The following C8orf34 variants were observed in gnomAD, a reference collection of about 807,000 sequenced individuals.
C8orf34 encodes the protein chromosome 8 open reading frame 34, also known as uncharacterized protein C8orf34.
C8orf34 carries 65 observed loss-of-function variants against 68.3 expected under a neutral mutation model. That is an observed-to-expected ratio of 0.95 (90% CI 0.78 to 1.17). The LOEUF is 1.17. C8orf34 is among the 50% of genes most tolerant of loss of function. C8orf34 has a pLI of 0.00. For missense variants in C8orf34, 664 were observed against 655.4 expected (o/e 1.01, Z -0.14); for synonymous variants, 244 against 241.2 (o/e 1.01, Z -0.11).
At chr8:68,725,739 A>G (rs115181921) in intron 10 of C8orf34, among the ~76,000 whole-genome samples, 1 of 152,140 alleles carries the variant, frequency 6.6e-6, no homozygotes, top group Non-Finnish European at 1.5e-5. Context: ...ACAAAAACTC[A>G]TGGTTCCCAG....
At chr8:68,356,574 A>G (rs1005708683) in intron 1 of C8orf34, among the ~76,000 whole-genome samples, 30 of 152,144 alleles carry the variant, frequency 2.0e-4, no homozygotes, top group African/African-American at 6.5e-4. Flanking sequence ...TATGATTTAG[A>G]TTTGGAGATT....
At chr8:68,418,126 A>AT in intron 1 of C8orf34, among the ~76,000 whole-genome samples, 1 of 146,540 alleles carries the variant, frequency 6.8e-6, no homozygotes, top group African/African-American at 2.6e-5. Flanking sequence ...AATGCTTGTG[A>AT]TTTTTGTACA....
At chr8:68,409,067 G>A (rs187804867) in intron 1 of C8orf34, among the ~76,000 whole-genome samples, 4 of 152,290 alleles carry the variant, frequency 2.6e-5, no homozygotes, top group South Asian at 2.1e-4. Flanking sequence ...GATTACAGGC[G>A]TGAGCCACTG....
intron 9 of C8orf34, among the ~76,000 whole-genome samples, chr8:68,714,138 C>A (rs528184888): frequency 6.6e-6 from 1 of 152,186 alleles, no homozygotes; most frequent in South Asian, 2.1e-4. Flanking sequence ...AAGGTTCATA[C>A]CTTAAGGTAA....
intron 7 of C8orf34, among the ~76,000 whole-genome samples, chr8:68,615,468 A>G (rs919428647): frequency 1.3e-5 from 2 of 152,140 alleles, no homozygotes; most frequent in Non-Finnish European, 2.9e-5. Context: ...CGTCCCATCA[A>G]TACCTAATTT....
intron 11 of C8orf34, among the ~76,000 whole-genome samples, chr8:68,777,443 A>C (rs113172534): frequency 3.3e-5 from 5 of 152,376 alleles, no homozygotes; most frequent in African/African-American, 9.6e-5. Context: ...GTAAATGTAC[A>C]TGTTGTACAC....
chr8:68,777,378 T>A (rs1823550097), intron 11 of C8orf34, among the ~76,000 whole-genome samples: 1 of 152,252 alleles, frequency 6.6e-6, no homozygotes, highest in Non-Finnish European at 1.5e-5. Flanking sequence ...TCTAATTTTG[T>A]AGTTCTCATC....
At chr8:68,562,625 A>G (rs1169774292) in intron 7 of C8orf34, among the ~76,000 whole-genome samples, 2 of 152,214 alleles carry the variant, frequency 1.3e-5, no homozygotes, top group Non-Finnish European at 2.9e-5. Context: ...GATACATTGT[A>G]AGCAATTTTG....
intron 12 of C8orf34, among the ~76,000 whole-genome samples, chr8:68,797,984 A>T (rs1364642478): frequency 6.6e-6 from 1 of 152,188 alleles, no homozygotes; most frequent in Non-Finnish European, 1.5e-5. Context: ...CTAAGAATAA[A>T]ACAACAATAG....
intron 7 of C8orf34, among the ~76,000 whole-genome samples, chr8:68,598,414 T>C (rs952068068): frequency 6.6e-6 from 1 of 152,126 alleles, no homozygotes; most frequent in Non-Finnish European, 1.5e-5. Context: ...AAGGTTTATA[T>C]GTTATGCCTG....
At position 68,698,735 on chromosome 8, in the gene C8orf34, C is replaced by G. The variant is rs114096824; in HGVS notation, c.1242-10259C>G. ...AGCTGCTGAACTTGATGTCTGCTGA[C>G]CAAGCAATTCTCTGTTAGGCTAAGT... On this transcript the variant is annotated intron_variant, in intron 8 of 13. Transcript: ENST00000518698. Among the ~76,000 whole-genome samples the G allele has an allele frequency of 4.4e-3, 677 of 152,150 alleles. 11 individuals carry two copies. Among genetic ancestry groups the G allele is most frequent in the African/African-American group, 0.015 (640 of 41,536 alleles).
intron 7 of C8orf34, among the ~76,000 whole-genome samples, chr8:68,598,387 A>G (rs1817606276): frequency 6.6e-6 from 1 of 152,098 alleles, no homozygotes; most frequent in African/African-American, 2.4e-5. Flanking sequence ...ACGGGTACCG[A>G]GGGTTCTTGG....
rs1242445585 is a variant in C8orf34, at chr8:68,794,482, AATAT to A, written c.1549+6967_1549+6970del. On this transcript the variant is annotated intron_variant, in intron 12 of 13. Coordinates refer to ENST00000518698, the MANE Select transcript of C8orf34 (RefSeq NM_052958.4). ...TCATTGTGCCCAGTATATAAATATA[AATAT>A]ATATATATATATATATATATTTTTT... 1.4e-3 allele frequency among the ~76,000 whole-genome samples: 122 copies of A among 89,324 alleles called. 2 individuals carry two copies. Among genetic ancestry groups the A allele is most frequent in the South Asian group, 1.8e-3 (6 of 3,276 alleles). 58.6% of individuals were successfully genotyped at this position (89,324 alleles called of 152,430 possible).
chr8:68,709,225 TG>T (rs1821264324), intron 9 of C8orf34, 146 bp downstream of exon 9: 1 of 650,218 alleles, frequency 1.5e-6, no homozygotes, highest in East Asian at 2.7e-5. Context: ...GCACACTCCT[TG>T]GGGCTGTTTG....
intron 6 of C8orf34, among the ~76,000 whole-genome samples, chr8:68,529,813 T>C (rs943976605): frequency 3.9e-5 from 6 of 152,158 alleles, no homozygotes; most frequent in African/African-American, 1.2e-4. Context: ...TGATTTATGC[T>C]TATTCATATA....
chr8:68,446,312 A>G lies in C8orf34; in HGVS notation c.476-17A>G, dbSNP rs1811120457. On this transcript the variant is annotated splice_polypyrimidine_tract_variant and intron_variant, in intron 2 of 13. Transcript: ENST00000518698. ...AAATCACTTTGTTGCCATTTTATATATATTTTGTTTTAACAGAATCCAAAG... is the reference window on the plus strand; with the variant it reads ...AAATCACTTTGTTGCCATTTTATATGTATTTTGTTTTAACAGAATCCAAAG... 2 of 1,566,636 alleles carry G rather than the reference A, an allele frequency of 1.3e-6. No individual in the cohort carries two copies. Among genetic ancestry groups the G allele is most frequent in the Non-Finnish European group, 1.7e-6 (2 of 1,162,450 alleles).
chr8:68,750,316 T>C lies in C8orf34; in HGVS notation c.1405-26083T>C, dbSNP rs143056750. 7.2e-3 allele frequency among the ~76,000 whole-genome samples: 1,093 copies of C among 152,302 alleles called. 14 individuals are homozygous for C. The highest frequency in any genetic ancestry group is 0.025 in the African/African-American group (1,030 of 41,572). On this transcript the variant is annotated intron_variant, in intron 10 of 13. Coordinates refer to ENST00000518698, the MANE Select transcript of C8orf34 (RefSeq NM_052958.4). The stretch of plus-strand genomic sequence containing the variant: ...TTGCATGCTGCAACATGGAAGAACA[T>C]TGAAAACATTACACTAAGTAAAAGA...
chr8:68,403,544 C>T (rs1809052156), intron 1 of C8orf34, among the ~76,000 whole-genome samples: 1 of 152,076 alleles, frequency 6.6e-6, no homozygotes, highest in East Asian at 1.9e-4. Context: ...AGCCCCCCAC[C>T]CCCTGACAGG....
Position 68,438,433 on chromosome 8 carries a change from A to T in C8orf34, c.328-1066A>T, listed in dbSNP as rs773181351. 7 of 152,170 alleles carry T rather than the reference A, an allele frequency of 4.6e-5. 1 individual carries two copies. Among genetic ancestry groups the T allele is most frequent in the Non-Finnish European group, 8.8e-5 (6 of 68,028 alleles). The allele number at this position is 152,170 out of a possible 1,614,324, so 9.4% of individuals were successfully genotyped here. A position where few individuals can be genotyped will look rare whatever the true frequency, so the allele number is the denominator to read the frequency against. ...ACCAGCCATCTGACCATGAGAGAAC[A>T]TCATTCAAGGCAAAGGAAACAGACC... On this transcript the variant is annotated intron_variant, in intron 1 of 13. Coordinates refer to ENST00000518698, the MANE Select transcript of C8orf34 (RefSeq NM_052958.4).
Sources: allele counts gnomAD v4.1 joint callset (sites outside exome capture counted in the v4.1 genomes callset), GRCh38; gene constraint gnomAD v4.1.1; transcripts MANE v1.5; gene names NCBI Gene and HGNC (gene_info 2026-07-23, HGNC 2026-07-21).